Variants in NTN5 observed in about 807,000 individuals in gnomAD.
NTN5 encodes the protein netrin-5.
In NTN5, 42 loss-of-function variants were observed where a neutral mutation model predicts 38.7. That is an observed-to-expected ratio of 1.08 (90% confidence interval 0.85 to 1.40). NTN5 has a LOEUF of 1.40. Ranked by LOEUF, NTN5 falls within the 40% of genes most tolerant of loss-of-function variation. The probability of loss-of-function intolerance (pLI) is 0.00; values close to 1 mark genes in which losing one functional copy is unlikely to be tolerated. For synonymous variants in NTN5, 329 were observed against 303.9 expected, an observed-to-expected ratio of 1.08 and a Z score of -0.86; for missense variants, 658 against 716.5, an observed-to-expected ratio of 0.92 and a Z score of 0.93.
chr19:48,669,760 T>A (rs1370438597), intron 2 of NTN5, among the ~76,000 whole-genome samples: 18 of 24,722 alleles, frequency 7.3e-4, no homozygotes, highest in African/African-American at 2.0e-3. Flanking sequence ...ATCACCATCG[T>A]CACCACTACC....
intron 2 of NTN5, among the ~76,000 whole-genome samples, chr19:48,666,866 T>A (rs767968390): frequency 5.9e-5 from 9 of 151,552 alleles, no homozygotes; most frequent in Admixed American, 1.3e-4. Context: ...AATTTTTTTT[T>A]TAAAGACGGG....
chr19:48,664,086 C>G (rs1036734622), intron 4 of NTN5, 57 bp downstream of exon 4: 73 of 1,532,784 alleles, frequency 4.8e-5, no homozygotes, highest in Non-Finnish European at 5.7e-5. Context: ...CACTGGAGAC[C>G]TGGGATGTCT....
intron 2 of NTN5, among the ~76,000 whole-genome samples, chr19:48,666,258 C>T (rs1400612559): frequency 2.0e-5 from 3 of 152,176 alleles, no homozygotes; most frequent in Admixed American, 1.3e-4. Flanking sequence ...ACACAGCTCC[C>T]GTGAGGATTA....
At chr19:48,667,353 G>T in intron 2 of NTN5, 1 of 381,008 alleles carries the variant, frequency 2.6e-6, no homozygotes, top group East Asian at 1.0e-4. Context: ...CCCGGGTTTG[G>T]AGGGCACTGC....
In NTN5 at chr19:48,663,806, C is replaced by G. The variant is rs1466830593; in HGVS notation, c.979G>C (p.Glu327Gln). The change falls in exon 5 of 7, where the codon GAG becomes CAG. Residue 327 changes from glutamate (E) to glutamine (Q), a missense_variant. Glu to Gln is a conservative substitution (Grantham distance 29). Coordinates refer to ENST00000270235, the MANE Select transcript of NTN5 (RefSeq NM_145807.4). ...SPRMPCQRIP[E>Q]ATTTLATTPG... ...GTAGTGGCAAGGGTGGTTGTTGCCTCTGGAATTCCTGTGAGACCAAAGGAG... is the reference window on the plus strand; with the variant it reads ...GTAGTGGCAAGGGTGGTTGTTGCCTGTGGAATTCCTGTGAGACCAAAGGAG... The G allele has an allele frequency of 6.2e-7, 1 of 1,613,942 alleles. No homozygotes were observed. Among genetic ancestry groups the G allele is most frequent in the Non-Finnish European group, 8.5e-7 (1 of 1,179,916 alleles).
At position 48,670,904 on chromosome 19, in the gene NTN5, A is replaced by G; in HGVS notation, c.83T>C (p.Phe28Ser). ...CAGCTGTGTCACTGGCGGGAGGCAGAATTGGGGGCGGCCCTGTGGATCGTA... is the reference window on the plus strand; with the variant it reads ...CAGCTGTGTCACTGGCGGGAGGCAGGATTGGGGGCGGCCCTGTGGATCGTA... ...PCYDPQGRPQFCLPPVTQLAA... is the reference protein window; with the variant it reads ...PCYDPQGRPQSCLPPVTQLAA... The change falls in exon 2 of 7, where the codon TTC (phenylalanine) becomes TCC (serine). Residue 28 changes from phenylalanine to serine, a missense_variant. Coordinates refer to ENST00000270235, the MANE Select transcript of NTN5 (RefSeq NM_145807.4). 6.2e-7 allele frequency: 1 copy of G among 1,605,928 alleles called. No individual in the cohort carries two copies. Among genetic ancestry groups the G allele is most frequent in the Non-Finnish European group, 8.5e-7 (1 of 1,175,840 alleles).
chr19:48,664,446 A>G (rs1175494258), intron 3 of NTN5, 133 bp downstream of exon 3: 2 of 1,192,126 alleles, frequency 1.7e-6, no homozygotes, highest in African/African-American at 3.8e-5. Flanking sequence ...CTCCTCCCTC[A>G]GGCCCAGAGT....
chr19:48,664,077 A>C lies in NTN5; in HGVS notation c.970+66T>G, dbSNP rs575723045. The C allele has an allele frequency of 4.6e-6, 7 of 1,510,724 alleles. No homozygotes were observed. The South Asian group carries it at 5.0e-5, about 11-fold the overall frequency. 93.6% of individuals were successfully genotyped at this position (1,510,724 alleles called of 1,614,324 possible). A position where few individuals can be genotyped will look rare whatever the true frequency, so the allele number is the denominator to read the frequency against. On this transcript the variant is annotated intron_variant, in intron 4 of 6. Transcript: ENST00000270235. Reference sequence around the variant, plus strand: ...GCCCCAGCCCTCACTGCAGCTGTGCACTGGAGACCTGGGATGTCTCCTTCC... The same window carrying C: ...GCCCCAGCCCTCACTGCAGCTGTGCCCTGGAGACCTGGGATGTCTCCTTCC...
In NTN5 at chr19:48,670,548, C is replaced by A; in HGVS notation, c.439G>T (p.Gly147Trp). 6.6e-7 allele frequency: 1 copy of A among 1,515,094 alleles called. No homozygotes were observed. Among genetic ancestry groups the A allele is most frequent in the Non-Finnish European group, 8.9e-7 (1 of 1,129,360 alleles). 93.9% of individuals were successfully genotyped at this position (1,515,094 alleles called of 1,614,324 possible). ...CCTCTCAGCCCAGCTGCCGCTAGCC[C>A]GGCCTGGCCCCCAAACTCCACACGG... ...HLRVEFGGQA[G>W]LAAAGLRGRC... The change falls in exon 2 of 7, where the codon GGG becomes TGG. Residue 147 changes from glycine to tryptophan, a missense_variant. Physicochemically the swap from Gly to Trp is radical, Grantham distance 184. Transcript: ENST00000270235.
intron 2 of NTN5, among the ~76,000 whole-genome samples, chr19:48,668,033 C>A (rs950649353): frequency 6.6e-6 from 1 of 152,000 alleles, no homozygotes; most frequent in African/African-American, 2.4e-5. Flanking sequence ...GGGTCAGGGC[C>A]GGAAGGAGCT....
At chr19:48,662,873 C>G (rs925743957) in intron 6 of NTN5, 1 of 201,080 alleles carries the variant, frequency 5.0e-6, no homozygotes. Flanking sequence ...GCCTAGAACA[C>G]TAGTGACCAG....
rs780757010 is a variant in NTN5, at chr19:48,661,962, G to A, written c.1185C>T (p.Tyr395=). ...QRLAVRVLAV[Y]KQRAQPVRRG... Reference sequence around the variant, plus strand: ...GTCGCACGGGCTGCGCCCGCTGCTTGTAAACGGCCAGCACGCGCACGGCCA... The same window carrying A: ...GTCGCACGGGCTGCGCCCGCTGCTTATAAACGGCCAGCACGCGCACGGCCA... Residue 395 remains tyrosine, a synonymous_variant, in exon 7 of 7, where the codon TAC becomes TAT. Transcript: ENST00000270235. 2.2e-5 allele frequency: 32 copies of A among 1,459,878 alleles called. No homozygotes were observed. The African/African-American group carries it at 4.0e-4, about 18-fold the overall frequency. 90.4% of individuals were successfully genotyped at this position (1,459,878 alleles called of 1,614,324 possible).
At chr19:48,667,302 C>A in intron 2 of NTN5, 2 of 270,370 alleles carry the variant, frequency 7.4e-6, no homozygotes, top group South Asian at 2.8e-5. Context: ...TCTCACCTGG[C>A]CACCCTGACC....
intron 6 of NTN5, chr19:48,663,054 G>A (rs185564708): frequency 7.0e-4 from 265 of 375,896 alleles, no homozygotes; most frequent in Non-Finnish European, 1.1e-3. Context: ...TTAGGGAACC[G>A]TGGGACAAGT....
intron 5 of NTN5, 90 bp from the exon 6 acceptor site, chr19:48,663,633 C>T (rs1422735361): frequency 9.9e-6 from 15 of 1,514,024 alleles, no homozygotes; most frequent in Middle Eastern, 3.8e-4. Context: ...ATCTTGATGG[C>T]CAGCTGGGGT....
At chr19:48,669,763 C>CCAT (rs1357815683) in intron 2 of NTN5, among the ~76,000 whole-genome samples, 73 of 91,564 alleles carry the variant, frequency 8.0e-4, no homozygotes, top group African/African-American at 2.8e-3. Context: ...ACCATCGTCA[C>CCAT]CACTACCATC....
chr19:48,671,206 G>A (rs574720207), intron 1 of NTN5, among the ~76,000 whole-genome samples, 200 bp from the exon 2 acceptor site: 2 of 152,190 alleles, frequency 1.3e-5, no homozygotes, highest in African/African-American at 4.8e-5. Context: ...AGACAAAATC[G>A]AGAATTTTGC....
At position 48,664,127 on chromosome 19, in the gene NTN5, GC is replaced by G; in HGVS notation, c.970+15del. The G allele has an allele frequency of 1.3e-6, 2 of 1,596,008 alleles. No individual in the cohort carries two copies. Among genetic ancestry groups the G allele is most frequent in the Non-Finnish European group, 1.7e-6 (2 of 1,171,860 alleles). ...CCGCTCTACTCAGGCTTGTGGCCTG[GC>G]CCCTCAAGACTTACGCTGGCAGGGC... On this transcript the variant is annotated intron_variant, in intron 4 of 6. Transcript: ENST00000270235.
intron 4 of NTN5, 115 bp from the exon 5 acceptor site, chr19:48,663,929 G>A: frequency 8.3e-7 from 1 of 1,204,780 alleles, no homozygotes; most frequent in Non-Finnish European, 1.2e-6. Context: ...TAGGACTCAA[G>A]AGTGCAAGCA....
Sources: gnomAD v4.1 joint callset for allele counts (sites outside exome capture counted in the v4.1 genomes callset) on GRCh38, gnomAD v4.1.1 for gene constraint, MANE v1.5 for transcripts, NCBI Gene and HGNC (gene_info 2026-07-23, HGNC 2026-07-21) for gene names.